SPAG16: variants seen among roughly 807,000 people sequenced by gnomAD.
SPAG16 encodes the protein sperm associated antigen 16.
In SPAG16, 86 loss-of-function variants were observed where a neutral mutation model predicts 80.4. The observed-to-expected ratio is 1.07, with a 90% CI of 0.90 to 1.28. The LOEUF is 1.28. Ranked by LOEUF, SPAG16 falls within the 50% of genes most tolerant of loss-of-function variation. The pLI, the probability that SPAG16 is intolerant of heterozygous loss-of-function variation, is 0.00. For synonymous variants in SPAG16, 294 were observed against 265.9 expected (o/e 1.11, Z -1.03); for missense variants, 870 against 765.3 (o/e 1.14, Z -1.61).
intron 15 of SPAG16, among the ~76,000 whole-genome samples, chr2:214,371,624 AAC>A (rs1398251911): frequency 6.6e-6 from 1 of 151,638 alleles, no homozygotes; most frequent in Non-Finnish European, 1.5e-5. Flanking sequence ...TATAAATTAT[AAC>A]ACATAAGATA....
chr2:214,080,415 G>A (rs188066060), intron 13 of SPAG16, among the ~76,000 whole-genome samples: 132 of 150,054 alleles, frequency 8.8e-4, no homozygotes, highest in South Asian at 1.3e-3. Context: ...TGGCTAACGC[G>A]GTGAAACCCC....
intron 15 of SPAG16, among the ~76,000 whole-genome samples, chr2:214,185,385 T>G (rs79951501): frequency 6.6e-6 from 1 of 151,994 alleles, no homozygotes; most frequent in Non-Finnish European, 1.5e-5. Context: ...GCAGTTTGTG[T>G]TTGGAAATGA....
intron 6 of SPAG16, 81 bp downstream of exon 6, chr2:213,340,351 C>A: frequency 9.9e-7 from 1 of 1,007,512 alleles, no homozygotes; most frequent in Non-Finnish European, 1.5e-6. Flanking sequence ...AAGTTTTAGA[C>A]AAAGTTATTA....
chr2:213,648,185 C>T lies in SPAG16; in HGVS notation c.1070+158095C>T, dbSNP rs925068491. On this transcript the variant is annotated intron_variant, in intron 10 of 15. Coordinates refer to ENST00000331683, the MANE Select transcript of SPAG16 (RefSeq NM_024532.5). ...TTTGCAAAGTAAAGGAAAGATGAAACTCTAGGAATAGCAAGCAAAGTTTTA... is the reference window on the plus strand; with the variant it reads ...TTTGCAAAGTAAAGGAAAGATGAAATTCTAGGAATAGCAAGCAAAGTTTTA... Among the ~76,000 whole-genome samples, 5 of 152,194 alleles carry T rather than the reference C, an allele frequency of 3.3e-5. No individual in the cohort carries two copies. In the South Asian group the frequency reaches 8.3e-4, roughly 25 times the overall value.
chr2:213,610,707 G>T (rs1459765923), intron 10 of SPAG16, among the ~76,000 whole-genome samples: 1 of 152,096 alleles, frequency 6.6e-6, no homozygotes, highest in African/African-American at 2.4e-5. Context: ...GACAAAGTAG[G>T]ACATTCCTGA....
chr2:214,243,532 T>A (rs537940342), intron 15 of SPAG16, among the ~76,000 whole-genome samples: 1 of 152,214 alleles, frequency 6.6e-6, no homozygotes, highest in East Asian at 1.9e-4. Flanking sequence ...TTATAATATC[T>A]TTGATATATA....
intron 15 of SPAG16, among the ~76,000 whole-genome samples, chr2:214,391,289 C>CTT (rs935753813): frequency 3.3e-4 from 50 of 152,152 alleles, no homozygotes; most frequent in Non-Finnish European, 6.0e-4. Flanking sequence ...ATGTAAAACA[C>CTT]TTAAGGAAAA....
At chr2:213,598,695 T>C (rs942793570) in intron 10 of SPAG16, among the ~76,000 whole-genome samples, 1 of 152,192 alleles carries the variant, frequency 6.6e-6, no homozygotes, top group African/African-American at 2.4e-5. Context: ...AATAATAAAA[T>C]TGAAATTGCA....
intron 10 of SPAG16, among the ~76,000 whole-genome samples, chr2:213,636,907 A>T (rs961695217): frequency 6.6e-6 from 1 of 152,176 alleles, no homozygotes; most frequent in Admixed American, 6.5e-5. Context: ...AAAAAGTGAC[A>T]ATTTGACTTC....
At chr2:213,530,285 G>T (rs138707222) in intron 10 of SPAG16, among the ~76,000 whole-genome samples, 118 of 152,246 alleles carry the variant, frequency 7.8e-4, no homozygotes, top group African/African-American at 2.7e-3. Flanking sequence ...CAGTGGGTTT[G>T]TTTACACCAG....
intron 10 of SPAG16, among the ~76,000 whole-genome samples, chr2:213,805,710 C>T (rs147679948): frequency 5.8e-4 from 89 of 152,278 alleles, no homozygotes; most frequent in African/African-American, 2.1e-3. Flanking sequence ...CTGTGATTCT[C>T]TGACACATAA....
intron 10 of SPAG16, among the ~76,000 whole-genome samples, chr2:213,700,735 A>G (rs1311624678): frequency 6.6e-6 from 1 of 152,244 alleles, no homozygotes; most frequent in Non-Finnish European, 1.5e-5. Context: ...TAAGAATTCA[A>G]TTAATCTATA....
rs572334104 is a variant in SPAG16 at position 213,670,390 on chromosome 2, A to T, written c.1070+180300A>T. On this transcript the variant is annotated intron_variant, in intron 10 of 15. Coordinates refer to ENST00000331683, the MANE Select transcript of SPAG16 (RefSeq NM_024532.5). ...CAATAATTTATTATTAATATTTTTT[A>T]AAAATACTAAAAATTAACCTCATAT... is the stretch of plus-strand genomic sequence containing the variant. 1.8e-4 allele frequency among the ~76,000 whole-genome samples: 27 copies of T among 152,246 alleles called. No homozygotes were observed. In the East Asian group the frequency reaches 3.7e-3, roughly 21 times the overall value.
chr2:213,510,169 T>G (rs1265928787), intron 10 of SPAG16, among the ~76,000 whole-genome samples: 1 of 152,092 alleles, frequency 6.6e-6, no homozygotes, highest in East Asian at 1.9e-4. Flanking sequence ...AAATCTGAAA[T>G]CCTAGTTATT....
At chr2:214,311,967 TA>T (rs1695367794) in intron 15 of SPAG16, among the ~76,000 whole-genome samples, 1 of 152,128 alleles carries the variant, frequency 6.6e-6, no homozygotes, top group Non-Finnish European at 1.5e-5. Flanking sequence ...AGTAATAAAA[TA>T]AAAACCTTTA....
chr2:214,403,731 A>G (rs540660939), intron 15 of SPAG16, among the ~76,000 whole-genome samples: 24 of 152,340 alleles, frequency 1.6e-4, no homozygotes, highest in Admixed American at 1.4e-3. Context: ...ATCCACTGAT[A>G]TTGATTATAT....
At chr2:213,658,039 C>T (rs2063282666) in intron 10 of SPAG16, among the ~76,000 whole-genome samples, 1 of 152,160 alleles carries the variant, frequency 6.6e-6, no homozygotes, top group Non-Finnish European at 1.5e-5. Context: ...TTTGATTTCA[C>T]AGGCTTCTTT....
chr2:213,739,759 G>A (rs1205425064), intron 10 of SPAG16, among the ~76,000 whole-genome samples: 3 of 152,022 alleles, frequency 2.0e-5, no homozygotes, highest in African/African-American at 2.4e-5. Flanking sequence ...GGGCCACCAC[G>A]GCCAGCTAAT....
chr2:213,956,009 C>T (rs116182699), intron 12 of SPAG16, among the ~76,000 whole-genome samples: 4,784 of 151,714 alleles, frequency 0.032, 141 homozygotes, highest in Non-Finnish European at 0.041. Flanking sequence ...TCGCTCTTGT[C>T]TCCCAGGCAA....
Sources: allele counts gnomAD v4.1 joint callset (sites outside exome capture counted in the v4.1 genomes callset), GRCh38; gene constraint gnomAD v4.1.1; transcripts MANE v1.5; gene names NCBI Gene and HGNC (gene_info 2026-07-23, HGNC 2026-07-21).